The following NEDD1 variants were observed in gnomAD, a reference collection of about 807,000 sequenced individuals.
The protein encoded by NEDD1 is NEDD1 gamma-tubulin ring complex targeting factor, also known as protein NEDD1.
In NEDD1, 33 loss-of-function variants were observed where a neutral mutation model predicts 74.0. The observed-to-expected ratio is 0.45, with a 90% CI of 0.34 to 0.60. The LOEUF (loss-of-function observed/expected upper bound fraction) is 0.60. Among genes scored for constraint, NEDD1 ranks in the 20% least tolerant of loss-of-function variants. NEDD1 has a pLI of 0.01. For synonymous variants in NEDD1, 250 were observed against 264.4 expected (o/e 0.95, Z 0.53); for missense variants, 746 against 776.5 (o/e 0.96, Z 0.47).
intron 6 of NEDD1, among the ~76,000 whole-genome samples, chr12:96,922,143 A>C (rs1279041932): frequency 2.0e-5 from 3 of 152,232 alleles, no homozygotes; most frequent in South Asian, 4.1e-4. Flanking sequence ...AGAATCCTTG[A>C]ACATTAAAAA....
chr12:96,918,303 A>G (rs1874690052), intron 5 of NEDD1, among the ~76,000 whole-genome samples: 1 of 152,050 alleles, frequency 6.6e-6, no homozygotes, highest in Non-Finnish European at 1.5e-5. Flanking sequence ...AGCACAAGAA[A>G]GTCTATGGTC....
At chr12:96,938,953 A>AT (rs1877398534) in intron 9 of NEDD1, among the ~76,000 whole-genome samples, 3 of 151,782 alleles carry the variant, frequency 2.0e-5, no homozygotes, top group Admixed American at 2.0e-4. Flanking sequence ...TCTGGGTCTC[A>AT]TTTTTTTCCT....
intron 6 of NEDD1, among the ~76,000 whole-genome samples, chr12:96,931,063 A>G (rs1260217118): frequency 6.6e-6 from 1 of 152,196 alleles, no homozygotes; most frequent in African/African-American, 2.4e-5. Flanking sequence ...TAGGTGACAG[A>G]TGATTTGTGC....
intron 14 of NEDD1, among the ~76,000 whole-genome samples, chr12:96,950,949 T>A (rs1878651482): frequency 6.6e-6 from 1 of 151,914 alleles, no homozygotes; most frequent in Non-Finnish European, 1.5e-5. Flanking sequence ...CACTTTATAC[T>A]GAAAGTACAT....
At chr12:96,949,724 G>A (rs940892431) in intron 14 of NEDD1, among the ~76,000 whole-genome samples, 1 of 152,050 alleles carries the variant, frequency 6.6e-6, no homozygotes, top group African/African-American at 2.4e-5. Flanking sequence ...AATGAAATAA[G>A]CTGGAAAGAA....
At chr12:96,949,810 G>A (rs1429509333) in intron 14 of NEDD1, among the ~76,000 whole-genome samples, 1 of 152,064 alleles carries the variant, frequency 6.6e-6, no homozygotes, top group Admixed American at 6.6e-5. Context: ...TCAGTAAGTT[G>A]TGTTGTGACA....
Position 96,936,639 on chromosome 12 carries a change from C to A in NEDD1, c.748C>A (p.Pro250Thr), listed in dbSNP as rs766431246. ...AGTGAAAACTTTAGTGGCTGACACT[C>A]CTCTAACTGCGGTAGATTTCATGCC... ...KLVKTLVADT[P>T]LTAVDFMPDG... The change falls in exon 8 of 16, where the codon CCT (proline) becomes ACT (threonine). Residue 250 changes from proline to threonine, a missense_variant. By Grantham distance (38) the Pro-to-Thr change is conservative. Around this residue, in one of 3 missense-constraint regions of NEDD1, gnomAD observed 706 missense variants for 706.7 expected, o/e 1.00. Coordinates refer to ENST00000266742, the MANE Select transcript of NEDD1 (RefSeq NM_152905.4). The A allele has an allele frequency of 6.2e-7, 1 of 1,613,718 alleles. No individual in the cohort carries two copies. Among genetic ancestry groups the A allele is most frequent in the South Asian group, 1.1e-5 (1 of 91,086 alleles).
intron 3 of NEDD1, among the ~76,000 whole-genome samples, chr12:96,912,371 A>G (rs1241712557): frequency 2.6e-5 from 4 of 152,126 alleles, no homozygotes; most frequent in African/African-American, 9.7e-5. Context: ...CTGTAGATGA[A>G]AAGGTTGATT....
chr12:96,944,686 C>T lies in NEDD1; in HGVS notation c.1545C>T (p.Thr515=). ...GTGCTGAAAGTGGAAATCTAAATAC[C>T]TCTCCATCATCTAACCAAACAAGAA... ...TSGAESGNLN[T]SPSSNQTRNS... Residue 515 remains threonine (T), a synonymous_variant, in exon 13 of 16, where the codon ACC becomes ACT. Transcript: ENST00000266742. 1 of 1,599,404 alleles carries T rather than the reference C, an allele frequency of 6.3e-7. No homozygotes were observed.
chr12:96,922,742 A>C (rs1255675319), intron 6 of NEDD1, among the ~76,000 whole-genome samples: 1 of 152,228 alleles, frequency 6.6e-6, no homozygotes, highest in Non-Finnish European at 1.5e-5. Context: ...AACTACTAAC[A>C]AAATCAAGAT....
intron 14 of NEDD1, 58 bp downstream of exon 14, chr12:96,945,907 T>C (rs1195879076): frequency 9.5e-7 from 1 of 1,055,108 alleles, no homozygotes; most frequent in Non-Finnish European, 1.4e-6. Context: ...TTTTTAGATG[T>C]AAAACCAGAA....
intron 6 of NEDD1, among the ~76,000 whole-genome samples, chr12:96,930,937 A>G (rs1565799822): frequency 6.6e-6 from 1 of 152,222 alleles, no homozygotes; most frequent in African/African-American, 2.4e-5. Context: ...AAAGGATTTT[A>G]AGCAAAAGAC....
intron 14 of NEDD1, 91 bp from the exon 15 acceptor site, chr12:96,951,341 T>G: frequency 1.5e-6 from 1 of 648,346 alleles, no homozygotes; most frequent in Non-Finnish European, 2.7e-6. Context: ...ATTCAGTAAT[T>G]TGGCAAATGA....
At chr12:96,937,522 A>T in intron 9 of NEDD1, 129 bp downstream of exon 9, 1 of 458,164 alleles carries the variant, frequency 2.2e-6, no homozygotes, top group Non-Finnish European at 3.9e-6. Flanking sequence ...CTTAGGTAAA[A>T]TTAGTAGAAG....
chr12:96,931,016 C>T (rs544098843), intron 6 of NEDD1, among the ~76,000 whole-genome samples: 22 of 152,172 alleles, frequency 1.4e-4, no homozygotes, highest in African/African-American at 5.3e-4. Context: ...GGATAGTAAG[C>T]CACTGAGAAT....
At chr12:96,946,700 G>T (rs1005412773) in intron 14 of NEDD1, among the ~76,000 whole-genome samples, 1 of 152,176 alleles carries the variant, frequency 6.6e-6, no homozygotes, top group African/African-American at 2.4e-5. Context: ...TAGGTGCAGT[G>T]TGTTCTGCCA....
rs755241866 is a variant in NEDD1 at position 96,953,223 on chromosome 12, CAAAA to C, written c.*1173_*1176del. 8.9e-5 allele frequency: 13 copies of C among 146,018 alleles called. No individual in the cohort carries two copies. Among genetic ancestry groups the C allele is most frequent in the Non-Finnish European group, 1.7e-4 (11 of 65,800 alleles). The allele number at this position is 146,018 out of a possible 1,614,324, so 9.0% of individuals were successfully genotyped here. ...TTTACTAAAATTAAAAAAAAAAAAA[CAAAA>C]AACAAACCTTTAGCTCACTAACTTT... is the stretch of plus-strand genomic sequence containing the variant. On this transcript the variant is annotated 3_prime_UTR_variant, in exon 16 of 16. Transcript: ENST00000266742.
At chr12:96,936,458 G>A (rs778136015) in intron 7 of NEDD1, among the ~76,000 whole-genome samples, 153 bp from the exon 8 acceptor site, 41 of 152,170 alleles carry the variant, frequency 2.7e-4, no homozygotes, top group Non-Finnish European at 5.3e-4. Flanking sequence ...GTCAAATTCT[G>A]AAATTATGCT....
At chr12:96,918,377 T>C (rs1874697690) in intron 5 of NEDD1, among the ~76,000 whole-genome samples, 1 of 147,354 alleles carries the variant, frequency 6.8e-6, no homozygotes, top group Non-Finnish European at 1.5e-5. Flanking sequence ...GATCTTAAAA[T>C]TAATTTTTGT....
Sources: allele counts gnomAD v4.1 joint callset (sites outside exome capture counted in the v4.1 genomes callset), GRCh38; gene constraint gnomAD v4.1.1; regional missense constraint gnomAD v4.1.1; transcripts MANE v1.5; gene names NCBI Gene and HGNC (gene_info 2026-07-23, HGNC 2026-07-21).